The following SLC11A2 variants were observed in gnomAD, a reference collection of about 807,000 sequenced individuals.
SLC11A2 encodes solute carrier family 11 member 2, also known as natural resistance-associated macrophage protein 2.
SLC11A2 carries 38 observed loss-of-function variants against 68.0 expected under a neutral mutation model. That is an observed-to-expected ratio of 0.56 (90% CI 0.43 to 0.73). The LOEUF (loss-of-function observed/expected upper bound fraction) is 0.73, where lower values mean the gene tolerates loss of function less well. Among genes scored for constraint, SLC11A2 ranks in the 30% least tolerant of loss-of-function variants. SLC11A2 has a pLI of 0.00. For missense variants in SLC11A2, 517 were observed against 690.5 expected (o/e 0.75, Z 2.82); for synonymous variants, 242 against 250.6 (o/e 0.97, Z 0.32).
chr12:51,003,856 C>T (rs1942489883), intron 5 of SLC11A2, among the ~76,000 whole-genome samples: 1 of 151,846 alleles, frequency 6.6e-6, no homozygotes, highest in Non-Finnish European at 1.5e-5. Context: ...GGGAGAATCG[C>T]TTGAGCCTGG....
At chr12:50,962,724 A>G in the SLC11A2 span, among the ~76,000 whole-genome samples, 14,622 of 152,110 alleles carry the variant, frequency 0.096, 1,078 homozygotes, top group African/African-American at 0.2. Context: ...TTTTTTTGCT[A>G]TGGAAGCACA....
chr12:50,954,708 A>C, the SLC11A2 span, among the ~76,000 whole-genome samples: 1 of 152,186 alleles, frequency 6.6e-6, no homozygotes, highest in Non-Finnish European at 1.5e-5. Flanking sequence ...CCTGGGTGAC[A>C]TAGTGAGACC....
intron 3 of SLC11A2, 196 bp downstream of exon 3, chr12:51,008,280 A>AGACC: frequency 3.8e-6 from 2 of 523,226 alleles, no homozygotes; most frequent in Non-Finnish European, 6.8e-6. Context: ...ACAGACAGAC[A>AGACC]GAGATAGATA....
At position 51,015,065 on chromosome 12, in the gene SLC11A2, C is replaced by T. The variant is rs542318680; in HGVS notation, c.-38-4299G>A. Among the ~76,000 whole-genome samples, 16 of 151,910 alleles carry T rather than the reference C, an allele frequency of 1.1e-4. No individual in the cohort carries two copies. The East Asian group carries it at 1.9e-3, about 18-fold the overall frequency. ...ATCCCAGCTACTCGGAACGCTAAAG[C>T]GGGAGAATCGCTTGAACCCGGGAGG... On this transcript the variant is annotated intron_variant, in intron 1 of 15. Transcript: ENST00000262052.
At chr12:50,993,153 T>G in intron 11 of SLC11A2, 2 of 518,844 alleles carry the variant, frequency 3.9e-6, no homozygotes, top group Non-Finnish European at 6.9e-6. Flanking sequence ...GCCTAGTCCT[T>G]TCTCTTCTCC....
chr12:50,958,627 T>C, the SLC11A2 span, among the ~76,000 whole-genome samples: 1 of 152,062 alleles, frequency 6.6e-6, no homozygotes, highest in African/African-American at 2.4e-5. Context: ...AGAATCACTC[T>C]GGCTGATATT....
chr12:50,971,696 G>A, the SLC11A2 span, among the ~76,000 whole-genome samples: 15 of 152,194 alleles, frequency 9.9e-5, no homozygotes, highest in East Asian at 2.7e-3. Context: ...AAGCCTAGGA[G>A]AGAAAAAAAT....
chr12:50,973,659 GAGA>G, the SLC11A2 span, among the ~76,000 whole-genome samples: 8 of 152,340 alleles, frequency 5.3e-5, no homozygotes, highest in Admixed American at 4.6e-4. Context: ...GACAAGTTGA[GAGA>G]AGAAGGCTAC....
In SLC11A2 at chr12:50,990,873, G is replaced by T. The variant is rs146202526; in HGVS notation, c.1497C>A (p.Val499=). Residue 499 remains valine, a synonymous_variant, in exon 15 of 16, where the codon GTC becomes GTA. Coordinates refer to ENST00000262052, the MANE Select transcript of SLC11A2 (RefSeq NM_000617.3). The part of the protein sequence containing the change: ...SINMYFVVVY[V]RDLGHVALYV... Reference sequence around the variant, plus strand: ...ATAATGCCACATGCCCTAGGTCCCGGACATAAACCACTACAAAGTACATAT... The same window carrying T: ...ATAATGCCACATGCCCTAGGTCCCGTACATAAACCACTACAAAGTACATAT... The T allele has an allele frequency of 3.7e-5, 60 of 1,613,902 alleles. No homozygotes were observed. In the African/African-American group the frequency reaches 6.7e-4, roughly 18 times the overall value.
intron 1 of SLC11A2, among the ~76,000 whole-genome samples, chr12:51,012,162 G>C (rs1943284010): frequency 6.6e-6 from 1 of 152,146 alleles, no homozygotes; most frequent in Non-Finnish European, 1.5e-5. Flanking sequence ...TAGCGTGTGG[G>C]ATGCCAGCCT....
downstream of SLC11A2, among the ~76,000 whole-genome samples, chr12:50,979,198 C>T (rs1353736505): frequency 6.6e-6 from 1 of 152,018 alleles, no homozygotes; most frequent in African/African-American, 2.4e-5. Flanking sequence ...AAAAGCTTAC[C>T]CAAGACTCAC....
rs1941520062 is a variant in SLC11A2, at chr12:50,994,578, T to A, written c.1043A>T (p.Asp348Val). 1 of 1,612,980 alleles carries A rather than the reference T, an allele frequency of 6.2e-7. No individual in the cohort carries two copies. Among genetic ancestry groups the A allele is most frequent in the Non-Finnish European group, 8.5e-7 (1 of 1,179,016 alleles). The change falls in exon 11 of 16, where the codon GAT (aspartate) becomes GTT (valine). Residue 348 changes from aspartate (D) to valine (V), a missense_variant. Coordinates refer to ENST00000262052, the MANE Select transcript of SLC11A2 (RefSeq NM_000617.3). ...SSPHAGLFPK[D>V]NSTLAVDIYK... Reference sequence around the variant, plus strand: ...GATGTCCACAGCCAGTGTCGAGTTATCTTTAGGAAAGAGGCCAGCATGAGG... The same window carrying A: ...GATGTCCACAGCCAGTGTCGAGTTAACTTTAGGAAAGAGGCCAGCATGAGG...
chr12:50,957,203 C>G, the SLC11A2 span, among the ~76,000 whole-genome samples: 9 of 150,552 alleles, frequency 6.0e-5, no homozygotes, highest in East Asian at 1.8e-3. Flanking sequence ...ATAAAAATTA[C>G]TTGCTTTTTT....
Position 50,996,560 on chromosome 12 carries a change from A to G in SLC11A2, c.831+257T>C, listed in dbSNP as rs372375726. ...CACTGCACTCCAGCCTGGGCAATAG[A>G]GTGAGACTCCATCTCAATTTAAAAA... is the stretch of plus-strand genomic sequence containing the variant. On this transcript the variant is annotated intron_variant, in intron 9 of 15. Transcript: ENST00000262052. Among the ~76,000 whole-genome samples, 220 of 151,152 alleles carry G rather than the reference A, an allele frequency of 1.5e-3. 3 individuals are homozygous for G. The highest frequency in any genetic ancestry group is 6.9e-3 in the South Asian group (33 of 4,770).
At chr12:50,965,520 A>T in the SLC11A2 span, among the ~76,000 whole-genome samples, 1 of 152,090 alleles carries the variant, frequency 6.6e-6, no homozygotes, top group African/African-American at 2.4e-5. Context: ...ACAGTTGATG[A>T]GTATGTCTAT....
At chr12:50,998,175 T>A (rs1004583026) in intron 8 of SLC11A2, among the ~76,000 whole-genome samples, 2 of 151,270 alleles carry the variant, frequency 1.3e-5, no homozygotes, top group African/African-American at 4.9e-5. Context: ...CTGGCCAACA[T>A]AGAGAAACCC....
At chr12:50,998,295 G>C (rs1016869034) in intron 8 of SLC11A2, among the ~76,000 whole-genome samples, 1 of 152,040 alleles carries the variant, frequency 6.6e-6, no homozygotes, top group African/African-American at 2.4e-5. Context: ...GGAGGCGGAG[G>C]CTGCAAGTGA....
At chr12:51,017,787 C>T (rs1334836796) in intron 1 of SLC11A2, among the ~76,000 whole-genome samples, 3 of 152,034 alleles carry the variant, frequency 2.0e-5, no homozygotes, top group Non-Finnish European at 4.4e-5. Context: ...GTCTTAGTGC[C>T]ACCTAAATGC....
Position 51,025,368 on chromosome 12 carries a change from C to T in SLC11A2, c.-39+942G>A, listed in dbSNP as rs564737485. Among the ~76,000 whole-genome samples the T allele has an allele frequency of 3.3e-5, 5 of 152,204 alleles. No homozygotes were observed. In the East Asian group the frequency reaches 9.6e-4, roughly 29 times the overall value. ...CCCTGTAAGACTGATATTATCAATC[C>T]CCATTTTAAGTACGTGGAACAAAAG... On this transcript the variant is annotated intron_variant, in intron 1 of 15. Transcript: ENST00000262052.
Sources: gnomAD v4.1 joint callset for allele counts (sites outside exome capture counted in the v4.1 genomes callset) on GRCh38, gnomAD v4.1.1 for gene constraint, MANE v1.5 for transcripts, NCBI Gene and HGNC (gene_info 2026-07-23, HGNC 2026-07-21) for gene names.